Variants in BLTP1 observed in about 807,000 individuals in gnomAD.
BLTP1 encodes bridge-like lipid transfer protein family member 1, also known as fragile site-associated protein.
At chr4:122,202,056 A>G in the BLTP1 span, 1 of 175,556 alleles carries the variant, frequency 5.7e-6, no homozygotes, top group Non-Finnish European at 1.1e-5. Flanking sequence ...CTATTACTAG[A>G]GTTTTGACCT....
chr4:122,169,994 T>A, the BLTP1 span: 1 of 985,280 alleles, frequency 1.0e-6, no homozygotes, highest in Non-Finnish European at 1.2e-6. Flanking sequence ...TATTTCTGAT[T>A]GTTGAGATGT....
At chr4:122,229,100 T>C in the BLTP1 span, 2 of 1,571,982 alleles carry the variant, frequency 1.3e-6, no homozygotes, top group Non-Finnish European at 1.7e-6. Context: ...GATTTAGATG[T>C]ACAATCCTTT....
chr4:122,203,101 G>C, the BLTP1 span, among the ~76,000 whole-genome samples: 1 of 151,820 alleles, frequency 6.6e-6, no homozygotes, highest in South Asian at 2.1e-4. Flanking sequence ...TTTAGTATTG[G>C]AGTGAACCTA....
At chr4:122,175,239 C>T in the BLTP1 span, 2 of 984,754 alleles carry the variant, frequency 2.0e-6, no homozygotes, top group Admixed American at 1.2e-4. Flanking sequence ...AGTGCTCACA[C>T]CTCACTTAAA....
chr4:122,230,995 G>A, the BLTP1 span, among the ~76,000 whole-genome samples: 4 of 151,998 alleles, frequency 2.6e-5, no homozygotes, highest in African/African-American at 4.8e-5. Flanking sequence ...ATTTTATAAA[G>A]ATCCTTTTAA....
the BLTP1 span, among the ~76,000 whole-genome samples, chr4:122,186,522 C>T: frequency 2.6e-5 from 4 of 151,888 alleles, no homozygotes; most frequent in African/African-American, 7.3e-5. Context: ...TGTATACATA[C>T]ATATTTAAGG....
At chr4:122,309,582 A>C in the BLTP1 span, 1 of 1,027,896 alleles carries the variant, frequency 9.7e-7, no homozygotes, top group Non-Finnish European at 1.4e-6. Context: ...TTGAGAAAGA[A>C]GGGCTATTTC....
the BLTP1 span, chr4:122,230,199 C>T: frequency 1.9e-6 from 3 of 1,612,750 alleles, no homozygotes; most frequent in African/African-American, 4.0e-5. Context: ...ACTCATGATG[C>T]CAGAACTAAG....
the BLTP1 span, among the ~76,000 whole-genome samples, chr4:122,227,991 G>A: frequency 6.7e-6 from 1 of 149,342 alleles, no homozygotes; most frequent in Non-Finnish European, 1.5e-5. Flanking sequence ...TCGACTCACT[G>A]CAAACTCCGC....
the BLTP1 span, among the ~76,000 whole-genome samples, chr4:122,342,961 A>T: frequency 6.6e-6 from 1 of 152,098 alleles, no homozygotes; most frequent in Non-Finnish European, 1.5e-5. Flanking sequence ...TCTCTAACAG[A>T]TTTTTTTACT....
the BLTP1 span, chr4:122,328,382 T>C: frequency 1.3e-6 from 2 of 1,575,056 alleles, no homozygotes; most frequent in Admixed American, 1.7e-5. Flanking sequence ...TTTAAGATCA[T>C]AATGTAGTAT....
chr4:122,204,724 T>C, the BLTP1 span: 1 of 495,760 alleles, frequency 2.0e-6, no homozygotes, highest in Non-Finnish European at 2.6e-6. Context: ...GAGTTGGTTA[T>C]ATCCGGAGAT....
the BLTP1 span, chr4:122,194,542 A>G: frequency 1.1e-6 from 1 of 899,850 alleles, no homozygotes; most frequent in Non-Finnish European, 1.3e-6. Context: ...TAATAGAGCT[A>G]CATCTATTTA....
chr4:122,226,445 G>A, the BLTP1 span: 1 of 1,221,090 alleles, frequency 8.2e-7, no homozygotes, highest in East Asian at 4.8e-5. Flanking sequence ...GTTAAAAGTT[G>A]CTGAAGTGAA....
chr4:122,193,982 C>T, the BLTP1 span, among the ~76,000 whole-genome samples: 3 of 151,712 alleles, frequency 2.0e-5, no homozygotes, highest in African/African-American at 7.3e-5. Context: ...CCTGCCTCAG[C>T]CTCCCAAGTA....
chr4:122,209,066 C>T, the BLTP1 span: 1 of 1,228,166 alleles, frequency 8.1e-7, no homozygotes. Context: ...AAACTTATTT[C>T]CAAGATTGTT....
At chr4:122,272,348 A>G in the BLTP1 span, 3 of 1,613,246 alleles carry the variant, frequency 1.9e-6, no homozygotes, top group African/African-American at 1.3e-5. Context: ...TGGACTAACA[A>G]TGGAATCAGA....
the BLTP1 span, chr4:122,222,966 T>G: frequency 1.1e-4 from 100 of 950,860 alleles, no homozygotes; most frequent in African/African-American, 1.7e-3. Flanking sequence ...GATCCACATG[T>G]AATTTTGAGA....
chr4:122,286,711 G>C, the BLTP1 span: 2 of 1,614,010 alleles, frequency 1.2e-6, no homozygotes, highest in Non-Finnish European at 8.5e-7. Context: ...TTCGGATCAG[G>C]TGTGGAGTAT....
Sources: gnomAD v4.1 joint callset for allele counts (sites outside exome capture counted in the v4.1 genomes callset) on GRCh38, gnomAD v4.1.1 for gene constraint, MANE v1.5 for transcripts, NCBI Gene and HGNC (gene_info 2026-07-23, HGNC 2026-07-21) for gene names.